Variants in DHRSX observed in about 807,000 individuals in gnomAD.
DHRSX encodes the protein polyprenol dehydrogenase.
A neutral mutation model predicts 34.0 loss-of-function variants in DHRSX; 31 were observed. The ratio of observed to expected loss-of-function variants is 0.91; its 90% CI spans 0.69 to 1.23. DHRSX has a LOEUF of 1.23. DHRSX is among the 50% of genes most tolerant of loss of function. The pLI, the probability that DHRSX is intolerant of heterozygous loss-of-function variation, is 0.00. For missense variants in DHRSX, 414 were observed against 428.1 expected, an observed-to-expected ratio of 0.97 and a Z score of 0.29; for synonymous variants, 201 against 183.8, an observed-to-expected ratio of 1.09 and a Z score of -0.76.
At chrX:2,485,779 GAAAA>G (rs2044893226) in intron 1 of DHRSX, among the ~76,000 whole-genome samples, 1 of 22,426 alleles carries the variant, frequency 4.5e-5, no homozygotes, top group African/African-American at 2.0e-4. Flanking sequence ...AAGGAAGGGA[GAAAA>G]GGGAGAGAAG....
In DHRSX at chrX:2,415,139, A is replaced by G. The variant is rs753293060; in HGVS notation, c.218-6326T>C. ...TGACCAATGCACTAGACCTCATCAT[A>G]TCCTACCACAACTAGATCTCATCAT... On this transcript the variant is annotated intron_variant, in intron 2 of 6. Coordinates refer to ENST00000334651, the MANE Select transcript of DHRSX (RefSeq NM_145177.3). Among the ~76,000 whole-genome samples the G allele has an allele frequency of 2.6e-5, 4 of 152,048 alleles. No homozygotes were observed. In the South Asian group the frequency reaches 8.3e-4, roughly 32 times the overall value.
rs568974892 is a variant in DHRSX at position 2,418,594 on chromosome X, A to T, written c.217+6603T>A. Among the ~76,000 whole-genome samples the T allele has an allele frequency of 7.2e-5, 11 of 152,354 alleles. 1 individual carries two copies. Among genetic ancestry groups the T allele is most frequent in the African/African-American group, 2.2e-4 (9 of 41,586 alleles). On this transcript the variant is annotated intron_variant, in intron 2 of 6. Coordinates refer to ENST00000334651, the MANE Select transcript of DHRSX (RefSeq NM_145177.3). ...AAAAGATCATTGCACTGGAGGAGAC[A>T]AAAGATCAAATATAACCAGTAATGG...
intron 1 of DHRSX, among the ~76,000 whole-genome samples, chrX:2,468,312 G>T (rs1350562968): frequency 6.6e-6 from 1 of 152,152 alleles, no homozygotes; most frequent in African/African-American, 2.4e-5. Context: ...AGGAATGAAT[G>T]CGGTCAGGAC....
intron 3 of DHRSX, among the ~76,000 whole-genome samples, chrX:2,357,513 G>A (rs1345876756): frequency 6.6e-6 from 1 of 151,918 alleles, no homozygotes; most frequent in Non-Finnish European, 1.5e-5. Context: ...CATCAAGGGA[G>A]GAACAAAAAG....
chrX:2,369,176 TC>T (rs1411811153), intron 3 of DHRSX, among the ~76,000 whole-genome samples: 1 of 152,082 alleles, frequency 6.6e-6, no homozygotes, highest in African/African-American at 2.4e-5. Flanking sequence ...GGTTGAAACT[TC>T]CCCCCAGCCA....
intron 5 of DHRSX, among the ~76,000 whole-genome samples, chrX:2,247,715 A>G (rs2016332594): frequency 6.6e-6 from 1 of 151,990 alleles, no homozygotes; most frequent in African/African-American, 2.4e-5. Context: ...ATTTTTTCAT[A>G]AAATAAATGA....
intron 1 of DHRSX, among the ~76,000 whole-genome samples, chrX:2,435,718 T>C (rs2043983175): frequency 6.6e-6 from 1 of 152,176 alleles, no homozygotes; most frequent in Non-Finnish European, 1.5e-5. Context: ...TGAGCTATGA[T>C]TGCATTACTG....
intron 6 of DHRSX, among the ~76,000 whole-genome samples, chrX:2,224,929 GCACT>G: frequency 7.0e-6 from 1 of 142,728 alleles, no homozygotes; most frequent in East Asian, 2.2e-4. Context: ...ACATTCACAT[GCACT>G]CATTCACATG....
Position 2,220,871 on chromosome X carries a change from T to C in DHRSX, c.*170A>G, listed in dbSNP as rs1273869820. On this transcript the variant is annotated 3_prime_UTR_variant, in exon 7 of 7. Transcript: ENST00000334651. ...GGTGATTATCCTCCAAAATGTTTAT[T>C]TGGCTTCTTGAAGTTCTGCAGAGGT... is the stretch of plus-strand genomic sequence containing the variant. The C allele has an allele frequency of 1.0e-5, 6 of 580,880 alleles. No homozygotes were observed. The highest frequency in any genetic ancestry group is 1.9e-5 in the African/African-American group (1 of 53,944). The allele number at this position is 580,880 out of a possible 1,614,324, so 36.0% of individuals were successfully genotyped here.
At chrX:2,273,772 T>G (rs888193097) in intron 4 of DHRSX, among the ~76,000 whole-genome samples, 6 of 152,210 alleles carry the variant, frequency 3.9e-5, no homozygotes, top group African/African-American at 1.4e-4. Flanking sequence ...GGATAATGGC[T>G]TGCAGCTCTG....
intron 1 of DHRSX, among the ~76,000 whole-genome samples, chrX:2,468,806 G>C (rs2044539927): frequency 2.0e-5 from 3 of 150,942 alleles, no homozygotes; most frequent in Admixed American, 2.0e-4. Context: ...TGGTCCAAAG[G>C]ACTGCTGCCA....
chrX:2,306,319 C>A (rs781615605), intron 3 of DHRSX, among the ~76,000 whole-genome samples: 1 of 151,908 alleles, frequency 6.6e-6, no homozygotes, highest in South Asian at 2.1e-4. Flanking sequence ...GAAGATGAGC[C>A]GATACATCAA....
intron 6 of DHRSX, among the ~76,000 whole-genome samples, chrX:2,236,068 C>T (rs1275907564): frequency 7.3e-5 from 11 of 151,220 alleles, no homozygotes; most frequent in South Asian, 2.1e-4. Flanking sequence ...GCTGAGATCG[C>T]GCCATTGTAC....
At chrX:2,254,661 T>TG in intron 5 of DHRSX, among the ~76,000 whole-genome samples, 1 of 152,308 alleles carries the variant, frequency 6.6e-6, no homozygotes, top group East Asian at 1.9e-4. Context: ...TTTGTTTGTT[T>TG]TTTTGAAACA....
intron 3 of DHRSX, among the ~76,000 whole-genome samples, chrX:2,312,170 A>C (rs2042172054): frequency 6.6e-6 from 1 of 151,948 alleles, no homozygotes; most frequent in African/African-American, 2.4e-5. Context: ...AACTCTCTCC[A>C]CCCCCGACCA....
At chrX:2,375,623 TTGGTTGGTTGGC>T (rs980288344) in intron 3 of DHRSX, among the ~76,000 whole-genome samples, 17 of 134,662 alleles carry the variant, frequency 1.3e-4, no homozygotes, top group African/African-American at 3.7e-4. Flanking sequence ...GGTCGGTTGG[TTGGTTGGTTGGC>T]TGGTTGGTTG....
intron 3 of DHRSX, among the ~76,000 whole-genome samples, chrX:2,307,113 G>A (rs1239027948): frequency 3.9e-5 from 6 of 151,988 alleles, no homozygotes; most frequent in South Asian, 4.2e-4. Flanking sequence ...CATATATACC[G>A]TAGAATAGTA....
chrX:2,421,882 C>T (rs1259443552), intron 2 of DHRSX, among the ~76,000 whole-genome samples: 3 of 152,156 alleles, frequency 2.0e-5, no homozygotes, highest in African/African-American at 7.2e-5. Context: ...GTGGAGAGTT[C>T]ATTTTTTCCT....
intron 3 of DHRSX, among the ~76,000 whole-genome samples, chrX:2,335,786 G>A (rs1195069688): frequency 1.3e-5 from 2 of 151,624 alleles, no homozygotes. Flanking sequence ...AGGCAAGTTT[G>A]CTCTGAGAAG....
Sources: allele counts gnomAD v4.1 joint callset (sites outside exome capture counted in the v4.1 genomes callset), GRCh38; gene constraint gnomAD v4.1.1; transcripts MANE v1.5; gene names NCBI Gene and HGNC (gene_info 2026-07-23, HGNC 2026-07-21).